The following SUMF1 variants were observed in gnomAD, a reference collection of about 807,000 sequenced individuals.
SUMF1 encodes the protein sulfatase modifying factor 1.
Under a neutral mutation model 47.6 loss-of-function variants are expected in SUMF1, and 48 were observed. The observed-to-expected ratio is 1.01, with a 90% CI of 0.80 to 1.28. The LOEUF is 1.28. Among genes scored for constraint, SUMF1 ranks in the 50% most tolerant of loss-of-function variants. The pLI is 0.00. For synonymous variants in SUMF1, 230 were observed against 192.1 expected (o/e 1.20, Z -1.63); for missense variants, 571 against 485.4 (o/e 1.18, Z -1.66).
chr3:4,333,414 T>A (rs1699086896), intron 8 of SUMF1, among the ~76,000 whole-genome samples: 1 of 152,186 alleles, frequency 6.6e-6, no homozygotes. Context: ...CTCTCCCGCC[T>A]CATCGGGTGG....
chr3:4,070,387 G>A lies in SUMF1; in HGVS notation c.1015-1642C>T, dbSNP rs191261035. On this transcript the variant is annotated intron_variant and NMD_transcript_variant, in intron 8 of 12. Transcript: ENST00000448413. Reference sequence around the variant, plus strand: ...TGTTTGACTCTTTTCATCAACAAACGGAGTAAGAGGACAGCACCGTGAGAA... The same window carrying A: ...TGTTTGACTCTTTTCATCAACAAACAGAGTAAGAGGACAGCACCGTGAGAA... 2.7e-3 allele frequency among the ~76,000 whole-genome samples: 409 copies of A among 152,194 alleles called. 1 individual carries two copies. The highest frequency in any genetic ancestry group is 3.5e-3 in the Admixed American group (53 of 15,296).
At chr3:4,159,485 T>C (rs1283633446) in intron 8 of SUMF1, among the ~76,000 whole-genome samples, 1 of 146,630 alleles carries the variant, frequency 6.8e-6, no homozygotes, top group Non-Finnish European at 1.5e-5. Flanking sequence ...TTGTTTTTTC[T>C]ATTTATATCT....
chr3:4,225,371 A>G (rs1312881223), intron 8 of SUMF1, among the ~76,000 whole-genome samples: 1 of 152,140 alleles, frequency 6.6e-6, no homozygotes, highest in African/African-American at 2.4e-5. Context: ...TGTTTTGAGC[A>G]AGCAAGTTCC....
intron 8 of SUMF1, among the ~76,000 whole-genome samples, chr3:4,367,758 G>A (rs1332205083): frequency 1.3e-5 from 2 of 152,028 alleles, no homozygotes; most frequent in African/African-American, 4.8e-5. Flanking sequence ...TTTAATAAAT[G>A]GTGCTGGGAA....
chr3:4,165,032 G>T (rs1694666416), intron 8 of SUMF1, among the ~76,000 whole-genome samples: 1 of 152,126 alleles, frequency 6.6e-6, no homozygotes, highest in Non-Finnish European at 1.5e-5. Context: ...CAGTCCCCGT[G>T]ATCTGAGTCT....
chr3:4,050,703 A>G (rs997925246), intron 9 of SUMF1, among the ~76,000 whole-genome samples: 4 of 144,916 alleles, frequency 2.8e-5, no homozygotes, highest in African/African-American at 1.1e-4. Flanking sequence ...AGATCATGCC[A>G]CTGCACTCCA....
chr3:4,462,758 C>A (rs2079847085), intron 1 of SUMF1, among the ~76,000 whole-genome samples: 1 of 152,194 alleles, frequency 6.6e-6, no homozygotes, highest in South Asian at 2.1e-4. Flanking sequence ...GAGAAGCATG[C>A]TCTCTGGATC....
chr3:4,303,419 T>A (rs757683573), intron 8 of SUMF1: 37 of 1,554,298 alleles, frequency 2.4e-5, no homozygotes, highest in Non-Finnish European at 3.2e-5. Context: ...GATGGCGGAG[T>A]TTAAGGAGAA....
intron 8 of SUMF1, among the ~76,000 whole-genome samples, chr3:4,196,453 G>A (rs994609777): frequency 6.6e-6 from 1 of 152,048 alleles, no homozygotes; most frequent in Admixed American, 6.6e-5. Flanking sequence ...TTTTCTGGAA[G>A]GAGTTGCAGT....
intron 8 of SUMF1, among the ~76,000 whole-genome samples, chr3:4,270,988 T>G (rs1011961491): frequency 6.6e-6 from 1 of 152,192 alleles, no homozygotes; most frequent in Admixed American, 6.5e-5. Flanking sequence ...AGAAAACACT[T>G]AAGTCTGAAT....
At chr3:4,057,644 A>C (rs1695215204) in intron 9 of SUMF1, among the ~76,000 whole-genome samples, 1 of 152,132 alleles carries the variant, frequency 6.6e-6, no homozygotes, top group African/African-American at 2.4e-5. Context: ...ATTAAATTAC[A>C]TGGTATACTT....
chr3:4,218,741 T>C (rs1695996781), intron 8 of SUMF1, among the ~76,000 whole-genome samples: 1 of 152,166 alleles, frequency 6.6e-6, no homozygotes, highest in African/African-American at 2.4e-5. Context: ...TGAGCATAGT[T>C]TCCAAATTGA....
intron 1 of SUMF1, among the ~76,000 whole-genome samples, chr3:4,461,312 C>A (rs1187111563): frequency 1.3e-5 from 2 of 152,114 alleles, no homozygotes; most frequent in African/African-American, 4.8e-5. Context: ...AAGGAGAAAT[C>A]AACATTTTAA....
At chr3:4,192,160 A>G (rs1312219186) in intron 8 of SUMF1, among the ~76,000 whole-genome samples, 1 of 152,096 alleles carries the variant, frequency 6.6e-6, no homozygotes, top group Non-Finnish European at 1.5e-5. Flanking sequence ...TGAGGTTTCT[A>G]GGCACAGTAA....
intron 8 of SUMF1, among the ~76,000 whole-genome samples, chr3:4,098,942 T>C (rs1010792097): frequency 2.0e-5 from 3 of 152,170 alleles, no homozygotes; most frequent in African/African-American, 4.8e-5. Context: ...ATTTGTAGCA[T>C]TCACTTCACA....
intron 5 of SUMF1, 84 bp downstream of exon 5, chr3:4,417,926 A>C: frequency 1.2e-6 from 2 of 1,604,614 alleles, no homozygotes; most frequent in Non-Finnish European, 1.7e-6. Context: ...TTCTAACCAA[A>C]GTAAGTTCCA....
chr3:4,287,179 T>C (rs1385022372), intron 8 of SUMF1, among the ~76,000 whole-genome samples: 1 of 152,114 alleles, frequency 6.6e-6, no homozygotes, highest in Non-Finnish European at 1.5e-5. Context: ...TAAATACTGG[T>C]AGACAGAACA....
chr3:4,238,467 T>C (rs1696460202), intron 8 of SUMF1, among the ~76,000 whole-genome samples: 1 of 152,198 alleles, frequency 6.6e-6, no homozygotes, highest in African/African-American at 2.4e-5. Flanking sequence ...ATGATCATCA[T>C]TCTAACTGGC....
At chr3:4,202,083 G>A (rs1695552527) in intron 8 of SUMF1, among the ~76,000 whole-genome samples, 2 of 151,852 alleles carry the variant, frequency 1.3e-5, no homozygotes, top group South Asian at 4.2e-4. Flanking sequence ...TGTTTCCTTT[G>A]CTGTACAGAA....
Sources: allele counts gnomAD v4.1 joint callset (sites outside exome capture counted in the v4.1 genomes callset), GRCh38; gene constraint gnomAD v4.1.1; transcripts MANE v1.5; gene names NCBI Gene and HGNC (gene_info 2026-07-23, HGNC 2026-07-21).